The following NT5C variants were observed in gnomAD, a reference collection of about 807,000 sequenced individuals.
The protein encoded by NT5C is 5', 3'-nucleotidase, cytosolic.
NT5C carries 14 observed loss-of-function variants against 17.6 expected under a neutral mutation model. The ratio of observed to expected loss-of-function variants is 0.79; its 90% CI spans 0.52 to 1.24. The LOEUF is 1.24. Among genes scored for constraint, NT5C ranks in the 50% most tolerant of loss-of-function variants. NT5C has a pLI of 0.00. For missense variants in NT5C, 328 were observed against 278.3 expected (o/e 1.18, Z -1.27); for synonymous variants, 153 against 119.2 (o/e 1.28, Z -1.85).
chr17:75,130,482 CCCCGCTCATT>C lies in NT5C; in HGVS notation c.602_*5del. ...TAGCTCCAGCTGCTGCCCGCGGCATCCCCGCTCATTCCCGCTGCGCAGCTCCGCGCTTGCT... is the reference window on the plus strand; with the variant it reads ...TAGCTCCAGCTGCTGCCCGCGGCATCCCCGCTGCGCAGCTCCGCGCTTGCT... On this transcript the variant is annotated stop_lost and 3_prime_UTR_variant, in exon 5 of 5. Coordinates refer to ENST00000245552, the MANE Select transcript of NT5C (RefSeq NM_014595.3). The C allele has an allele frequency of 1.2e-6, 2 of 1,613,084 alleles. No individual in the cohort carries two copies. The highest frequency in any genetic ancestry group is 1.7e-6 in the Non-Finnish European group (2 of 1,179,668).
At chr17:75,131,144 C>A in intron 2 of NT5C, 37 bp downstream of exon 2, 1 of 1,612,334 alleles carries the variant, frequency 6.2e-7, no homozygotes, top group Non-Finnish European at 8.5e-7. Flanking sequence ...GAGCCAGGAG[C>A]CCGCCCAGGA....
chr17:75,130,952 C>T (rs2145142931), intron 3 of NT5C, 85 bp from the exon 4 acceptor site: 2 of 1,605,138 alleles, frequency 1.2e-6, no homozygotes, highest in East Asian at 2.2e-5. Flanking sequence ...CCTTGAGAGC[C>T]CCCCACCCCC....
At chr17:75,131,136 G>A in intron 2 of NT5C, 31 bp from the exon 3 acceptor site, 1 of 1,612,574 alleles carries the variant, frequency 6.2e-7, no homozygotes, top group Non-Finnish European at 8.5e-7. Context: ...ACCGCCGGGA[G>A]CCAGGAGCCC....
chr17:75,130,469 C>CT lies in NT5C; in HGVS notation c.*18dup, dbSNP rs1479636804. ...CCTGCCCTTCCTTTAGCTCCAGCTG[C>CT]TGCCCGCGGCATCCCCGCTCATTCC... On this transcript the variant is annotated 3_prime_UTR_variant, in exon 5 of 5. Transcript: ENST00000245552. The CT allele has an allele frequency of 6.2e-7, 1 of 1,612,676 alleles. No individual in the cohort carries two copies. The highest frequency in any genetic ancestry group is 1.1e-5 in the South Asian group (1 of 91,012).
At position 75,130,451 on chromosome 17, in the gene NT5C, T is replaced by G; in HGVS notation, c.*37A>C. The stretch of plus-strand genomic sequence containing the variant: ...TGCGGTGGCCCCTGTGGGCCTGCCC[T>G]TCCTTTAGCTCCAGCTGCTGCCCGC... On this transcript the variant is annotated 3_prime_UTR_variant, in exon 5 of 5. Transcript: ENST00000245552. 2 of 1,610,054 alleles carry G rather than the reference T, an allele frequency of 1.2e-6. No homozygotes were observed. The highest frequency in any genetic ancestry group is 1.7e-6 in the Non-Finnish European group (2 of 1,178,242).
In NT5C at chr17:75,130,254, G is replaced by A. The variant is rs189539553; in HGVS notation, c.*234C>T. 17 of 559,520 alleles carry A rather than the reference G, an allele frequency of 3.0e-5. No individual in the cohort carries two copies. The highest frequency in any genetic ancestry group is 4.8e-4 in the Middle Eastern group (1 of 2,088). 34.7% of individuals were successfully genotyped at this position (559,520 alleles called of 1,614,324 possible). ...AGAAAGCCAAGGTCTTTTATTAAAG[G>A]TCCCGACTGGTTTTCCCACTGTATT... On this transcript the variant is annotated 3_prime_UTR_variant, in exon 5 of 5. Transcript: ENST00000245552.
intron 3 of NT5C, 53 bp downstream of exon 3, chr17:75,130,992 A>T (rs2074110440): frequency 6.2e-7 from 1 of 1,601,870 alleles, no homozygotes; most frequent in African/African-American, 1.3e-5. Context: ...GTTTCTTTTT[A>T]AAATCAGGAT....
At chr17:75,131,129 G>A in intron 2 of NT5C, 24 bp from the exon 3 acceptor site, 1 of 1,612,564 alleles carries the variant, frequency 6.2e-7, no homozygotes, top group South Asian at 1.1e-5. Context: ...CGCGGTTACC[G>A]CCGGGAGCCA....
chr17:75,130,929 C>G (rs9910084), intron 3 of NT5C, 62 bp from the exon 4 acceptor site: 1,606,025 of 1,612,602 alleles, frequency 1, 799,968 homozygotes, highest in East Asian at 1. Flanking sequence ...GGGATAGGGA[C>G]TTGGCTCTAA....
At chr17:75,130,963 A>T in intron 3 of NT5C, 82 bp downstream of exon 3, 7 of 1,601,946 alleles carry the variant, frequency 4.4e-6, no homozygotes, top group Non-Finnish European at 6.0e-6. Context: ...CCCCACCCCC[A>T]CCTTCTGGGT....
Position 75,131,574 on chromosome 17 carries a change from A to G in NT5C, c.134T>C (p.Leu45Pro). 7.2e-7 allele frequency: 1 copy of G among 1,392,788 alleles called. No individual in the cohort carries two copies. Among genetic ancestry groups the G allele is most frequent in the African/African-American group, 1.5e-5 (1 of 65,844 alleles). The allele number at this position is 1,392,788 out of a possible 1,614,324, so 86.3% of individuals were successfully genotyped here. The change falls in exon 1 of 5, where the codon CTG (leucine) becomes CCG (proline). Residue 45 changes from leucine (L) to proline (P), a missense_variant. Leu to Pro is a moderately conservative substitution (Grantham distance 98). Coordinates refer to ENST00000245552, the MANE Select transcript of NT5C (RefSeq NM_014595.3). ...HVPLEQRRGFLAREQYRALRP... is the reference protein window; with the variant it reads ...HVPLEQRRGFPAREQYRALRP... ...CAGGGCGCGGTACTGCTCGCGGGCC[A>G]GGAAGCCGCGGCGTTGCTCCAGCGG...
Position 75,131,075 on chromosome 17 carries a change from C to CA in NT5C, c.305dup (p.Leu103AlafsTer9). The CA allele has an allele frequency of 6.2e-7, 1 of 1,613,202 alleles. No homozygotes were observed. Among genetic ancestry groups the CA allele is most frequent in the Non-Finnish European group, 8.5e-7 (1 of 1,179,810 alleles). On this transcript the variant is annotated frameshift_variant, in exon 3 of 5. Coordinates refer to ENST00000245552, the MANE Select transcript of NT5C (RefSeq NM_014595.3). LOFTEE classifies it high-confidence loss of function. ...CACCCACACAGTGGTGGTACTTCAG[C>CA]AGGGGGCTGGTGCAGATGAAGACCT...
chr17:75,131,653 C>G lies in NT5C; in HGVS notation c.55G>C (p.Glu19Gln). ...VDMDGVLADF[E>Q]AGLLRGFRRR... ...CGGAAGCCCCGCAGGAGGCCGGCCT[C>G]GAAGTCGGCCAGGACGCCGTCCATG... Residue 19 changes from glutamate to glutamine, a missense_variant, in exon 1 of 5, where the codon GAG becomes CAG. Transcript: ENST00000245552. 1 of 1,351,558 alleles carries G rather than the reference C, an allele frequency of 7.4e-7. No homozygotes were observed. Among genetic ancestry groups the G allele is most frequent in the Non-Finnish European group, 9.5e-7 (1 of 1,056,472 alleles). The allele number at this position is 1,351,558 out of a possible 1,614,324, so 83.7% of individuals were successfully genotyped here. A position where few individuals can be genotyped will look rare whatever the true frequency, so the allele number is the denominator to read the frequency against.
Position 75,131,604 on chromosome 17 carries a change from T to G in NT5C, c.104A>C (p.His35Pro), listed in dbSNP as rs2074127776. Residue 35 changes from histidine to proline, a missense_variant, in exon 1 of 5, where the codon CAC becomes CCC. His to Pro is a moderately conservative substitution (Grantham distance 77). Transcript: ENST00000245552. ...GFRRRFPEEP[H>P]VPLEQRRGFL... ...GCCGCGGCGTTGCTCCAGCGGCACG[T>G]GCGGCTCCTCAGGGAAGCGGCGGCG... 2.1e-6 allele frequency: 3 copies of G among 1,396,496 alleles called. No individual in the cohort carries two copies. The highest frequency in any genetic ancestry group is 2.8e-6 in the Non-Finnish European group (3 of 1,081,710). 86.5% of individuals were successfully genotyped at this position (1,396,496 alleles called of 1,614,324 possible).
rs1169586208 is a variant in NT5C, at chr17:75,131,685, A to T, written c.23T>A (p.Leu8Gln). 7.6e-7 allele frequency: 1 copy of T among 1,315,548 alleles called. No individual in the cohort carries two copies. Among genetic ancestry groups the T allele is most frequent in the East Asian group, 3.1e-5 (1 of 32,424 alleles). 81.5% of individuals were successfully genotyped at this position (1,315,548 alleles called of 1,614,324 possible). The stretch of plus-strand genomic sequence containing the variant: ...GGCCAGGACGCCGTCCATGTCCACC[A>T]GCACGCGCACGCTCCGCGCCATCGC... MARSVRV[L>Q]VDMDGVLADF... is the part of the protein sequence containing the mutation. The change falls in exon 1 of 5, where the codon CTG (leucine) becomes CAG (glutamine). Residue 8 changes from leucine to glutamine, a missense_variant. Physicochemically the swap from Leu to Gln is moderately radical, Grantham distance 113 (BLOSUM62 -2). Transcript: ENST00000245552.
intron 1 of NT5C, 39 bp downstream of exon 1, chr17:75,131,495 G>A (rs1475519838): frequency 2.8e-6 from 4 of 1,430,886 alleles, no homozygotes; most frequent in South Asian, 1.5e-5. Flanking sequence ...GGAACGGAGC[G>A]AGCGGGCCCT....
Position 75,131,618 on chromosome 17 carries a change from G to T in NT5C, c.90C>A (p.Phe30Leu). 1 of 1,386,718 alleles carries T rather than the reference G, an allele frequency of 7.2e-7. No individual in the cohort carries two copies. 85.9% of individuals were successfully genotyped at this position (1,386,718 alleles called of 1,614,324 possible). The change falls in exon 1 of 5, where the codon TTC becomes TTA. Residue 30 changes from phenylalanine (F) to leucine (L), a missense_variant. Physicochemically the swap from Phe to Leu is conservative, Grantham distance 22. Coordinates refer to ENST00000245552, the MANE Select transcript of NT5C (RefSeq NM_014595.3). ...CCAGCGGCACGTGCGGCTCCTCAGG[G>T]AAGCGGCGGCGGAAGCCCCGCAGGA... ...AGLLRGFRRR[F>L]PEEPHVPLEQ...
At chr17:75,130,686 T>C (rs767630716) in intron 4 of NT5C, 44 bp from the exon 5 acceptor site, 2 of 1,613,782 alleles carry the variant, frequency 1.2e-6, no homozygotes, top group Admixed American at 3.3e-5. Flanking sequence ...TCATGGGTAT[T>C]ATTACTCCCT....
intron 1 of NT5C, 57 bp from the exon 2 acceptor site, chr17:75,131,338 G>A (rs1216444967): frequency 2.6e-6 from 4 of 1,549,008 alleles, no homozygotes; most frequent in African/African-American, 1.4e-5. Flanking sequence ...CCCGCAGGGA[G>A]GCTCCTGGGG....
Sources: allele counts gnomAD v4.1 joint callset, GRCh38; gene constraint gnomAD v4.1.1; transcripts MANE v1.5; gene names NCBI Gene and HGNC (gene_info 2026-07-23, HGNC 2026-07-21).